The following DENND1A variants were observed in gnomAD, a reference collection of about 807,000 sequenced individuals.
DENND1A encodes the protein DENN domain containing 1A.
In DENND1A, 51 loss-of-function variants were observed where a neutral mutation model predicts 113.7. The observed-to-expected ratio is 0.45, with a 90% CI of 0.36 to 0.57. The LOEUF (loss-of-function observed/expected upper bound fraction) is 0.57. Ranked by LOEUF, DENND1A falls within the 20% of genes least tolerant of loss-of-function variation. The probability of loss-of-function intolerance (pLI) is 0.00; values close to 1 mark genes in which losing one functional copy is unlikely to be tolerated. For synonymous variants in DENND1A, 565 were observed against 570.8 expected, an observed-to-expected ratio of 0.99 and a Z score of 0.14; for missense variants, 1,258 against 1,395.9, an observed-to-expected ratio of 0.90 and a Z score of 1.57.
intron 13 of DENND1A, among the ~76,000 whole-genome samples, chr9:123,480,015 G>T (rs114125338): frequency 6.6e-6 from 1 of 152,196 alleles, no homozygotes; most frequent in South Asian, 2.1e-4. Flanking sequence ...CTCCCCTACC[G>T]AAGTAGGAGC....
At chr9:123,926,201 A>G (rs1392169392) in intron 1 of DENND1A, among the ~76,000 whole-genome samples, 1 of 152,222 alleles carries the variant, frequency 6.6e-6, no homozygotes, top group African/African-American at 2.4e-5. Flanking sequence ...TGCTACCTGC[A>G]TACTGGTGAC....
intron 1 of DENND1A, among the ~76,000 whole-genome samples, chr9:123,900,580 T>A (rs2133877802): frequency 6.6e-6 from 1 of 152,164 alleles, no homozygotes; most frequent in East Asian, 1.9e-4. Flanking sequence ...GTGATTAAGG[T>A]GAGAGGTGAG....
At chr9:123,414,345 G>A in intron 19 of DENND1A, 5 of 1,415,296 alleles carry the variant, frequency 3.5e-6, no homozygotes, top group Middle Eastern at 2.6e-4. Context: ...CCTGCCTCCA[G>A]CCTCTCCCCC....
At chr9:123,817,829 C>G (rs1564331064) in intron 2 of DENND1A, among the ~76,000 whole-genome samples, 1 of 151,994 alleles carries the variant, frequency 6.6e-6, no homozygotes, top group Non-Finnish European at 1.5e-5. Flanking sequence ...GAATTCGAGA[C>G]CAGCCTGGCC....
chr9:123,480,305 T>C (rs1007907817), intron 13 of DENND1A, among the ~76,000 whole-genome samples: 6 of 152,140 alleles, frequency 3.9e-5, no homozygotes, highest in African/African-American at 1.4e-4. Flanking sequence ...ACGCCACACC[T>C]GCGGAAGCCC....
chr9:123,527,449 CT>C (rs2054934091), intron 13 of DENND1A, among the ~76,000 whole-genome samples: 1 of 152,142 alleles, frequency 6.6e-6, no homozygotes. Context: ...CCAAGACTGC[CT>C]TTCAGGTTCA....
intron 19 of DENND1A, among the ~76,000 whole-genome samples, chr9:123,420,566 G>C (rs2045192519): frequency 6.6e-6 from 1 of 152,186 alleles, no homozygotes. Flanking sequence ...CTCTCCGGCT[G>C]GGTCCGGGCA....
intron 13 of DENND1A, among the ~76,000 whole-genome samples, chr9:123,528,651 G>A (rs2055041498): frequency 6.6e-6 from 1 of 152,140 alleles, no homozygotes; most frequent in Non-Finnish European, 1.5e-5. Flanking sequence ...CTGCCATGCT[G>A]TCATCTTCCA....
rs1467703965 is a variant in DENND1A at position 123,382,016 on chromosome 9, T to G, written c.2629A>C (p.Ser877Arg). The G allele has an allele frequency of 3.1e-6, 4 of 1,290,494 alleles. No homozygotes were observed. The highest frequency in any genetic ancestry group is 2.9e-6 in the Non-Finnish European group (3 of 1,018,084). 79.9% of individuals were successfully genotyped at this position (1,290,494 alleles called of 1,614,324 possible). Residue 877 changes from serine (S) to arginine (R), a missense_variant, in exon 24 of 24, where the codon AGC (serine) becomes CGC (arginine). Physicochemically the swap from Ser to Arg is moderately radical, Grantham distance 110. This residue lies in a region of DENND1A where 1,159 missense variants were observed against 1,231.7 expected (regional missense o/e 0.94). Transcript: ENST00000394215. ...NVATPFTPQF[S>R]FPPAGTPTPF... ...GTGGGTGTCCCTGCAGGGGGGAAGC[T>G]GAATTGGGGGGTGAATGGGGTGGCT...
Position 123,422,924 on chromosome 9 carries a change from C to T in DENND1A, c.1489-11095G>A, listed in dbSNP as rs2045419967. 6.6e-6 allele frequency among the ~76,000 whole-genome samples: 1 copy of T among 152,226 alleles called. No homozygotes were observed. The highest frequency in any genetic ancestry group is 2.4e-5 in the African/African-American group (1 of 41,452). On this transcript the variant is annotated intron_variant, in intron 19 of 23. Transcript: ENST00000394215. This position sits in a 1 kb window ranked among gnomAD's most constrained non-coding sequence, Gnocchi z 4.8. ...CCCAAGGTGCCAGCAGTTCGACTGC[C>T]TTATTAAACACCGCCAGGATCCTAA...
chr9:123,666,975 G>C (rs1224282514), intron 8 of DENND1A, 51 bp downstream of exon 8: 2 of 1,480,814 alleles, frequency 1.4e-6, no homozygotes, highest in South Asian at 2.6e-5. Context: ...CAAATAGGCA[G>C]AAAACAGAGA....
chr9:123,421,754 T>C (rs1260806925), intron 19 of DENND1A, among the ~76,000 whole-genome samples: 2 of 152,174 alleles, frequency 1.3e-5, no homozygotes, highest in Non-Finnish European at 1.5e-5. Context: ...TAGCACCCTC[T>C]ATCTAGAAAG....
At chr9:123,845,210 G>T (rs563508399) in intron 2 of DENND1A, among the ~76,000 whole-genome samples, 2 of 151,360 alleles carry the variant, frequency 1.3e-5, no homozygotes, top group East Asian at 2.0e-4. Context: ...AGAGAGCAAG[G>T]CTGTGTCTCC....
At chr9:123,706,189 G>A (rs531973735) in intron 5 of DENND1A, among the ~76,000 whole-genome samples, 1 of 147,354 alleles carries the variant, frequency 6.8e-6, no homozygotes, top group African/African-American at 2.6e-5. Flanking sequence ...TGTAGCCCAG[G>A]CCGGACTGCG....
intron 2 of DENND1A, among the ~76,000 whole-genome samples, chr9:123,852,306 G>C (rs1182519558): frequency 6.6e-6 from 1 of 152,164 alleles, no homozygotes; most frequent in Non-Finnish European, 1.5e-5. Context: ...GCTGATGTAA[G>C]GATGGCACTT....
chr9:123,871,136 T>C (rs1846540225), intron 2 of DENND1A, among the ~76,000 whole-genome samples: 1 of 152,184 alleles, frequency 6.6e-6, no homozygotes, highest in Non-Finnish European at 1.5e-5. Flanking sequence ...TGGGCTATAG[T>C]GCAGTGGCAC....
intron 1 of DENND1A, among the ~76,000 whole-genome samples, chr9:123,885,330 T>C (rs1278981319): frequency 6.6e-6 from 1 of 152,188 alleles, no homozygotes; most frequent in Non-Finnish European, 1.5e-5. Flanking sequence ...TATAATACAT[T>C]CTTCCCCACT....
At chr9:123,711,847 C>T (rs1007116733) in intron 5 of DENND1A, among the ~76,000 whole-genome samples, 3 of 152,076 alleles carry the variant, frequency 2.0e-5, no homozygotes, top group Non-Finnish European at 4.4e-5. Flanking sequence ...CCTTTTCTAC[C>T]TGTTCTTAAC....
intron 10 of DENND1A, among the ~76,000 whole-genome samples, chr9:123,610,197 C>T (rs975602286): frequency 2.0e-5 from 3 of 152,162 alleles, no homozygotes; most frequent in South Asian, 2.1e-4. Context: ...TTGGATACAC[C>T]GGTCCTGCCG....
Sources: gnomAD v4.1 joint callset for allele counts (sites outside exome capture counted in the v4.1 genomes callset) on GRCh38, gnomAD v4.1.1 for gene constraint, gnomAD v4.1.1 regional missense constraint, Gnocchi (gnomAD v3.1) non-coding constraint, MANE v1.5 for transcripts, NCBI Gene and HGNC (gene_info 2026-07-23, HGNC 2026-07-21) for gene names.